Variants in GLB1 observed in about 807,000 individuals in gnomAD.
GLB1 encodes galactosidase beta 1.
Under a neutral mutation model 74.0 loss-of-function variants are expected in GLB1, and 56 were observed. That is an observed-to-expected ratio of 0.76 (90% confidence interval 0.61 to 0.94). The LOEUF is 0.94. GLB1 is among the 40% of genes least tolerant of loss of function. The probability of loss-of-function intolerance (pLI) is 0.00; values close to 1 mark genes in which losing one functional copy is unlikely to be tolerated. For synonymous variants in GLB1, 323 were observed against 323.6 expected, an observed-to-expected ratio of 1.00 and a Z score of 0.02; for missense variants, 787 against 845.5, an observed-to-expected ratio of 0.93 and a Z score of 0.86.
the GLB1 span, among the ~76,000 whole-genome samples, chr3:32,962,489 T>C: frequency 1.3e-5 from 2 of 152,158 alleles, no homozygotes; most frequent in African/African-American, 4.8e-5. Context: ...AAAATACAAG[T>C]TTATTTAAAA....
chr3:33,049,274 C>G (rs1698875057), intron 9 of GLB1, among the ~76,000 whole-genome samples: 1 of 152,106 alleles, frequency 6.6e-6, no homozygotes, highest in Admixed American at 6.5e-5. Context: ...ATATCAGTGA[C>G]CAACCTTGGC....
chr3:33,067,624 G>C (rs993546945), intron 4 of GLB1, among the ~76,000 whole-genome samples: 5 of 152,148 alleles, frequency 3.3e-5, no homozygotes, highest in African/African-American at 1.2e-4. Flanking sequence ...TGTGGAATAT[G>C]CTAAGTAAAT....
At chr3:32,981,399 C>CG in the GLB1 span, among the ~76,000 whole-genome samples, 1 of 90,482 alleles carries the variant, frequency 1.1e-5, no homozygotes, top group East Asian at 3.1e-4. Flanking sequence ...GACTCCATCT[C>CG]AAAAAAAAAA....
At chr3:33,040,680 A>C (rs1202419253) in intron 10 of GLB1, among the ~76,000 whole-genome samples, 1 of 152,140 alleles carries the variant, frequency 6.6e-6, no homozygotes, top group Non-Finnish European at 1.5e-5. Flanking sequence ...CACAACACAC[A>C]CGCAGAAACA....
At chr3:33,043,008 AT>A (rs1011458176) in intron 10 of GLB1, among the ~76,000 whole-genome samples, 1 of 152,212 alleles carries the variant, frequency 6.6e-6, no homozygotes, top group African/African-American at 2.4e-5. Flanking sequence ...CATGGGTTTT[AT>A]TTTTTAAGGA....
At chr3:32,992,813 C>A (rs956660106), downstream of GLB1, among the ~76,000 whole-genome samples, 3 of 152,180 alleles carry the variant, frequency 2.0e-5, no homozygotes, top group African/African-American at 7.2e-5. Flanking sequence ...GAATCTTCAC[C>A]GGGCATTCAC....
intron 6 of GLB1, among the ~76,000 whole-genome samples, chr3:33,057,615 A>G (rs1327136246): frequency 6.6e-6 from 1 of 152,246 alleles, no homozygotes. Flanking sequence ...GCAGAAAGAC[A>G]ACAAAGCATA....
At chr3:33,073,071 C>G (rs911780063) in intron 1 of GLB1, among the ~76,000 whole-genome samples, 6 of 152,090 alleles carry the variant, frequency 3.9e-5, no homozygotes, top group African/African-American at 1.4e-4. Flanking sequence ...GTTGCTGTGA[C>G]CTGCCTGAGC....
At chr3:32,968,859 C>T in the GLB1 span, among the ~76,000 whole-genome samples, 1 of 152,218 alleles carries the variant, frequency 6.6e-6, no homozygotes, top group African/African-American at 2.4e-5. Flanking sequence ...TGGCATCGCC[C>T]AGTGACATAC....
At chr3:33,082,732 C>T (rs1700367047) in intron 1 of GLB1, among the ~76,000 whole-genome samples, 1 of 152,188 alleles carries the variant, frequency 6.6e-6, no homozygotes, top group African/African-American at 2.4e-5. Flanking sequence ...GCAGTATATT[C>T]TCCCTCTTGC....
chr3:33,030,410 G>A, intron 10 of GLB1: 1 of 792,908 alleles, frequency 1.3e-6, no homozygotes, highest in Non-Finnish European at 1.5e-6. Flanking sequence ...CAAGAGAGCA[G>A]GTGACACTTT....
chr3:33,090,840 A>C (rs1700726669), intron 1 of GLB1: 2 of 985,346 alleles, frequency 2.0e-6, no homozygotes, highest in South Asian at 4.7e-5. Context: ...CAATCAGTCA[A>C]GCAAGGACTT....
rs1469187367 is a variant in GLB1, at chr3:33,096,979, T to C, written c.75+32A>G. 4 of 1,608,346 alleles carry C rather than the reference T, an allele frequency of 2.5e-6. No individual in the cohort carries two copies. In the East Asian group the frequency reaches 6.8e-5, roughly 27 times the overall value. On this transcript the variant is annotated intron_variant, in intron 1 of 15. Coordinates refer to ENST00000307363, the MANE Select transcript of GLB1 (RefSeq NM_000404.4). The stretch of plus-strand genomic sequence containing the variant: ...TCCCCGCCAGCCTGTCCCCTAGCAA[T>C]GCCTCCCCGTACCCGGGTCCCGCAG...
At chr3:33,091,376 G>A (rs1192217810) in intron 1 of GLB1, 11 of 985,346 alleles carry the variant, frequency 1.1e-5, no homozygotes, top group Non-Finnish European at 1.3e-5. Flanking sequence ...GAATGCACAT[G>A]AGGGAAGGAA....
chr3:33,092,309 T>A, intron 1 of GLB1: 1 of 986,924 alleles, frequency 1.0e-6, no homozygotes, highest in Non-Finnish European at 1.2e-6. Context: ...AAGAAAATAT[T>A]CTTCTCTAGC....
chr3:33,052,701 T>C (rs1699046348), intron 7 of GLB1: 1 of 153,208 alleles, frequency 6.5e-6, no homozygotes, highest in Non-Finnish European at 1.5e-5. Context: ...CTCAGGTTGA[T>C]TTATAACGAG....
In GLB1 at chr3:33,014,218, C is replaced by A; in HGVS notation, c.1572G>T (p.Leu524=). The part of the protein sequence containing the change: ...LDTEDAVCSH[L]GGWGHRDSGH... ...CACTGTCACGGTGTCCCCAGCCCCC[C>A]AGGTGGCTGCACACTGCATCCTCAG... The change falls in exon 15 of 16, where the codon CTG becomes CTT. Residue 524 remains leucine (L), a synonymous_variant. Transcript: ENST00000307363. 6.2e-7 allele frequency: 1 copy of A among 1,614,172 alleles called. No homozygotes were observed. Among genetic ancestry groups the A allele is most frequent in the South Asian group, 1.1e-5 (1 of 91,088 alleles).
At chr3:33,029,297 CA>C (rs1697908906) in intron 10 of GLB1, among the ~76,000 whole-genome samples, 1 of 152,180 alleles carries the variant, frequency 6.6e-6, no homozygotes, top group South Asian at 2.1e-4. Context: ...CGGACACATT[CA>C]ACACGGGAAG....
At chr3:32,961,574 G>A in the GLB1 span, among the ~76,000 whole-genome samples, 4 of 152,176 alleles carry the variant, frequency 2.6e-5, no homozygotes, top group East Asian at 7.7e-4. Flanking sequence ...GAGAGCCATC[G>A]GGTTGTGAAG....
Sources: allele counts gnomAD v4.1 joint callset (sites outside exome capture counted in the v4.1 genomes callset), GRCh38; gene constraint gnomAD v4.1.1; transcripts MANE v1.5; gene names NCBI Gene and HGNC (gene_info 2026-07-23, HGNC 2026-07-21).